The following EHMT1 variants were observed in gnomAD, a reference collection of about 807,000 sequenced individuals.
The protein encoded by EHMT1 is histone-lysine N-methyltransferase EHMT1.
EHMT1 carries 15 observed loss-of-function variants against 147.2 expected under a neutral mutation model. The observed-to-expected ratio is 0.10, with a 90% confidence interval of 0.07 to 0.16. The LOEUF (loss-of-function observed/expected upper bound fraction) is 0.16. Ranked by LOEUF, EHMT1 falls within the 10% of genes least tolerant of loss-of-function variation. EHMT1 has a pLI of 1.00. For missense variants in EHMT1, 1,587 were observed against 1,772.4 expected, an observed-to-expected ratio of 0.90 and a Z score of 1.88; for synonymous variants, 795 against 709.6, an observed-to-expected ratio of 1.12 and a Z score of -1.91.
chr9:137,686,872 G>A (rs1239496771), intron 1 of EHMT1, among the ~76,000 whole-genome samples: 3 of 151,516 alleles, frequency 2.0e-5, no homozygotes, highest in East Asian at 1.9e-4. Context: ...CTGGGACTAC[G>A]GGCGCCCGCC....
At chr9:137,799,778 AAGC>A (rs990596247) in intron 17 of EHMT1, among the ~76,000 whole-genome samples, 2 of 152,182 alleles carry the variant, frequency 1.3e-5, no homozygotes, top group Non-Finnish European at 2.9e-5. Context: ...CATGGGCTGG[AAGC>A]AGCAGCGTCT....
chr9:137,677,415 G>A (rs1199850881), intron 1 of EHMT1, among the ~76,000 whole-genome samples: 1 of 152,058 alleles, frequency 6.6e-6, no homozygotes, highest in East Asian at 1.9e-4. Context: ...GATTACAGGC[G>A]TGAGCCACCA....
Position 137,716,694 on chromosome 9 carries a change from G to C in EHMT1, c.154G>C (p.Gly52Arg), listed in dbSNP as rs200364530. ...AGGAGAGGCCCACATGGCTGCGGAC[G>C]GTGAGACCAATGGGTCTTGTGAAAA... ...QAGEAHMAAD[G>R]ETNGSCENSD... Residue 52 changes from glycine (G) to arginine (R), a missense_variant, in exon 3 of 27, where the codon GGT becomes CGT. Physicochemically the swap from Gly to Arg is moderately radical, Grantham distance 125. Around this residue, in one of 7 missense-constraint regions of EHMT1, gnomAD observed 810 missense variants for 673.0 expected, o/e 1.20. Transcript: ENST00000460843. The C allele has an allele frequency of 6.2e-7, 1 of 1,607,326 alleles. No homozygotes were observed. The highest frequency in any genetic ancestry group is 8.5e-7 in the Non-Finnish European group (1 of 1,175,330).
At chr9:137,711,992 G>A (rs914789202) in intron 2 of EHMT1, among the ~76,000 whole-genome samples, 5 of 152,098 alleles carry the variant, frequency 3.3e-5, no homozygotes, top group East Asian at 3.9e-4. Context: ...GTGGGTTCTC[G>A]TCCACCCACT....
In EHMT1 at chr9:137,786,755, G is replaced by A. The variant is rs1229147512; in HGVS notation, c.2383-4093G>A. ...GTGGCCTCATCTCTCCCGGGCTCCCGTCTTGGTCATGTGGAGTCATCTCCC... is the reference window on the plus strand; with the variant it reads ...GTGGCCTCATCTCTCCCGGGCTCCCATCTTGGTCATGTGGAGTCATCTCCC... On this transcript the variant is annotated intron_variant, in intron 15 of 26. Coordinates refer to ENST00000460843, the MANE Select transcript of EHMT1 (RefSeq NM_024757.5). This position sits in a 1 kb window ranked among gnomAD's most constrained non-coding sequence, Gnocchi z 4.3. 2.6e-5 allele frequency: 4 copies of A among 153,242 alleles called. No individual in the cohort carries two copies. The highest frequency in any genetic ancestry group is 1.9e-4 in the East Asian group (1 of 5,220). The allele number at this position is 153,242 out of a possible 1,614,324, so 9.5% of individuals were successfully genotyped here.
intron 25 of EHMT1, among the ~76,000 whole-genome samples, chr9:137,825,000 G>A (rs1365926231): frequency 2.6e-5 from 4 of 152,188 alleles, no homozygotes; most frequent in Admixed American, 1.3e-4. Context: ...GGCACTGGGG[G>A]AAGAGGTGTC....
At chr9:137,623,666 C>T (rs961166254) in intron 1 of EHMT1, among the ~76,000 whole-genome samples, 6 of 152,120 alleles carry the variant, frequency 3.9e-5, no homozygotes, top group Non-Finnish European at 7.3e-5. Flanking sequence ...GGTGACCTGC[C>T]CACTTCGGCC....
intron 18 of EHMT1, among the ~76,000 whole-genome samples, chr9:137,808,362 G>T (rs1954125789): frequency 6.6e-6 from 1 of 152,180 alleles, no homozygotes; most frequent in Admixed American, 6.5e-5. Flanking sequence ...GCAGTGAGCT[G>T]GGCAGCCACG....
At chr9:137,740,107 T>C (rs1947919979) in intron 4 of EHMT1, among the ~76,000 whole-genome samples, 1 of 152,188 alleles carries the variant, frequency 6.6e-6, no homozygotes, top group Non-Finnish European at 1.5e-5. Flanking sequence ...GCCTGTCGCC[T>C]TTCTTCCTTG....
chr9:137,632,447 G>C (rs1003573978), intron 1 of EHMT1, among the ~76,000 whole-genome samples: 5 of 151,922 alleles, frequency 3.3e-5, no homozygotes, highest in Non-Finnish European at 7.4e-5. Context: ...TTTTGTTTTT[G>C]TTTTTGAGAT....
At chr9:137,768,527 G>GTTTT (rs1564725367) in intron 10 of EHMT1, among the ~76,000 whole-genome samples, 8 of 28,150 alleles carry the variant, frequency 2.8e-4, no homozygotes, top group Non-Finnish European at 6.2e-4. Context: ...CTAATTTTTT[G>GTTTT]TATTTTTTTT....
rs748842197 is a variant in EHMT1, at chr9:137,818,097, G to A, written c.3499G>A (p.Val1167Ile). 4 of 1,614,074 alleles carry A rather than the reference G, an allele frequency of 2.5e-6. No homozygotes were observed. The highest frequency in any genetic ancestry group is 2.7e-5 in the African/African-American group (2 of 74,930). Residue 1167 changes from valine (V) to isoleucine (I), a missense_variant, in exon 25 of 27, where the codon GTT (valine) becomes ATT (isoleucine). Transcript: ENST00000460843. ...GELISDSEAD[V>I]REEDSYLFDL... is the part of the protein sequence containing the mutation. ...GCTGATTTCAGACTCAGAAGCCGAC[G>A]TTCGAGAGGAAGATTCTTACCTCTT...
chr9:137,712,260 G>A (rs753550219), intron 2 of EHMT1, among the ~76,000 whole-genome samples: 2 of 152,074 alleles, frequency 1.3e-5, no homozygotes, highest in African/African-American at 2.4e-5. Flanking sequence ...TGTTTCCTAC[G>A]TGACACCAGA....
In EHMT1 at chr9:137,630,776, C is replaced by G. The variant is rs555741866; in HGVS notation, c.21+11727C>G. On this transcript the variant is annotated intron_variant, in intron 1 of 26. Coordinates refer to ENST00000460843, the MANE Select transcript of EHMT1 (RefSeq NM_024757.5). ...TCCTCGACTGTGATTTGGGTGAGGT[C>G]TGTATCCTTTGGTGCACAGTGGAAT... Among the ~76,000 whole-genome samples the G allele has an allele frequency of 7.2e-5, 11 of 152,182 alleles. 1 individual carries two copies. The South Asian group carries it at 1.0e-3, about 14-fold the overall frequency.
chr9:137,818,515 G>T (rs71512823), intron 25 of EHMT1, among the ~76,000 whole-genome samples: 1 of 150,854 alleles, frequency 6.6e-6, no homozygotes, highest in Non-Finnish European at 1.5e-5. Context: ...AGAGGCTGAG[G>T]GGGGGCGCCA....
intron 3 of EHMT1, among the ~76,000 whole-genome samples, chr9:137,725,166 C>T (rs1211320349): frequency 1.4e-5 from 2 of 141,192 alleles, no homozygotes; most frequent in East Asian, 2.1e-4. Flanking sequence ...GTGTGGCATT[C>T]GTGTGGCAGG....
In EHMT1 at chr9:137,835,788, A is replaced by G. The variant is rs1344444748; in HGVS notation, c.*835A>G. The stretch of plus-strand genomic sequence containing the variant: ...TTCTACTCACCACGTGAAATAAACT[A>G]TCAACTGTATAAAGAGAACAAAGTG... On this transcript the variant is annotated 3_prime_UTR_variant, in exon 27 of 27. Coordinates refer to ENST00000460843, the MANE Select transcript of EHMT1 (RefSeq NM_024757.5). The G allele has an allele frequency of 6.6e-6, 1 of 152,620 alleles. No individual in the cohort carries two copies. The highest frequency in any genetic ancestry group is 1.9e-4 in the East Asian group (1 of 5,206). The allele number at this position is 152,620 out of a possible 1,614,324, so 9.5% of individuals were successfully genotyped here.
chr9:137,804,215 T>C (rs1003605832), intron 18 of EHMT1, among the ~76,000 whole-genome samples: 4 of 152,182 alleles, frequency 2.6e-5, no homozygotes, highest in African/African-American at 7.2e-5. Flanking sequence ...AAGACAAGAT[T>C]TGGGTGGGGA....
intron 1 of EHMT1, among the ~76,000 whole-genome samples, chr9:137,709,779 T>C (rs1325056388): frequency 6.6e-6 from 1 of 152,138 alleles, no homozygotes. Context: ...CCTCTCCTCT[T>C]CTGGTTGTGG....
Sources: allele counts gnomAD v4.1 joint callset (sites outside exome capture counted in the v4.1 genomes callset), GRCh38; gene constraint gnomAD v4.1.1; regional missense constraint gnomAD v4.1.1; non-coding constraint Gnocchi (gnomAD v3.1); transcripts MANE v1.5; gene names NCBI Gene and HGNC (gene_info 2026-07-23, HGNC 2026-07-21).